XKR9: variants seen among roughly 807,000 people sequenced by gnomAD.
The protein encoded by XKR9 is XK related 9.
A neutral mutation model predicts 32.0 loss-of-function variants in XKR9; 32 were observed. The observed-to-expected ratio is 1.00, with a 90% CI of 0.76 to 1.34. The LOEUF (loss-of-function observed/expected upper bound fraction) is 1.34, where lower values mean the gene tolerates loss of function less well. Among genes scored for constraint, XKR9 ranks in the 40% most tolerant of loss-of-function variants. The pLI, the probability that XKR9 is intolerant of heterozygous loss-of-function variation, is 0.00. For missense variants in XKR9, 546 were observed against 429.7 expected (o/e 1.27, Z -2.39); for synonymous variants, 168 against 143.4 (o/e 1.17, Z -1.22).
the XKR9 span, among the ~76,000 whole-genome samples, chr8:70,967,548 A>C: frequency 2.0e-5 from 3 of 152,078 alleles, no homozygotes; most frequent in Non-Finnish European, 2.9e-5. Flanking sequence ...TGTGCACTTC[A>C]GTGTGCTTTT....
At chr8:70,936,377 T>C in the XKR9 span, among the ~76,000 whole-genome samples, 1 of 152,078 alleles carries the variant, frequency 6.6e-6, no homozygotes, top group Admixed American at 6.6e-5. Context: ...TTCCTTACAC[T>C]GGAAGAGCCC....
At chr8:70,788,573 CT>C (rs1264964863) in intron 2 of XKR9, among the ~76,000 whole-genome samples, 1 of 152,066 alleles carries the variant, frequency 6.6e-6, no homozygotes, top group African/African-American at 2.4e-5. Context: ...ATTATTTACA[CT>C]TATGTAACAT....
intron 3 of XKR9, among the ~76,000 whole-genome samples, chr8:70,700,076 C>T (rs1330574396): frequency 7.9e-5 from 12 of 152,176 alleles, no homozygotes; most frequent in African/African-American, 2.9e-4. Context: ...TCTAGTTATA[C>T]ATTTGTCTAA....
the XKR9 span, among the ~76,000 whole-genome samples, chr8:71,008,337 C>G: frequency 6.6e-6 from 1 of 152,096 alleles, no homozygotes; most frequent in Non-Finnish European, 1.5e-5. Context: ...ATCAAATTCC[C>G]CTTGCTCCAC....
chr8:70,886,452 G>A, the XKR9 span, among the ~76,000 whole-genome samples: 1 of 152,174 alleles, frequency 6.6e-6, no homozygotes, highest in African/African-American at 2.4e-5. Context: ...CTATATCCTT[G>A]AGGAATCACC....
the XKR9 span, among the ~76,000 whole-genome samples, chr8:70,925,421 G>A: frequency 6.6e-6 from 1 of 152,122 alleles, no homozygotes; most frequent in Non-Finnish European, 1.5e-5. Flanking sequence ...TATACATGTG[G>A]CAATCAGAAT....
chr8:71,057,990 G>A, the XKR9 span, among the ~76,000 whole-genome samples: 2 of 152,172 alleles, frequency 1.3e-5, no homozygotes, highest in South Asian at 4.1e-4. Context: ...GACCATCCTG[G>A]CTAACACAGT....
the XKR9 span, among the ~76,000 whole-genome samples, chr8:71,037,262 C>T: frequency 4.6e-5 from 7 of 152,046 alleles, no homozygotes; most frequent in African/African-American, 1.7e-4. Context: ...ATAATATCCA[C>T]AATTGAAAAT....
At chr8:70,681,939 A>T (rs1328463292) in intron 3 of XKR9, among the ~76,000 whole-genome samples, 1 of 152,110 alleles carries the variant, frequency 6.6e-6, no homozygotes, top group Non-Finnish European at 1.5e-5. Context: ...GCAATTCATG[A>T]TCCTTAGTTG....
chr8:70,758,210 G>T (rs1044608393), intron 2 of XKR9, among the ~76,000 whole-genome samples: 1 of 151,990 alleles, frequency 6.6e-6, no homozygotes. Flanking sequence ...CTCTGATGTC[G>T]TTCCTTAGGG....
At chr8:71,004,838 AT>A in the XKR9 span, among the ~76,000 whole-genome samples, 1 of 151,702 alleles carries the variant, frequency 6.6e-6, no homozygotes, top group Non-Finnish European at 1.5e-5. Flanking sequence ...CAATACCTTG[AT>A]TTTTTTCTTT....
At chr8:70,975,345 G>A in the XKR9 span, among the ~76,000 whole-genome samples, 1 of 152,116 alleles carries the variant, frequency 6.6e-6, no homozygotes, top group Non-Finnish European at 1.5e-5. Context: ...GTATTGCCTA[G>A]GTTTTCTTCT....
At chr8:70,985,678 C>CACCCT in the XKR9 span, among the ~76,000 whole-genome samples, 1 of 152,214 alleles carries the variant, frequency 6.6e-6, no homozygotes, top group African/African-American at 2.4e-5. Context: ...CTTCCTTTTT[C>CACCCT]ACCCTCCTAC....
At chr8:70,856,573 A>T in the XKR9 span, among the ~76,000 whole-genome samples, 1 of 152,174 alleles carries the variant, frequency 6.6e-6, no homozygotes, top group African/African-American at 2.4e-5. Context: ...ATGAGACAGA[A>T]AGTTAACAAA....
chr8:70,993,600 ATCTTCCT>A, the XKR9 span, among the ~76,000 whole-genome samples: 1 of 79,326 alleles, frequency 1.3e-5, no homozygotes, highest in South Asian at 3.1e-4. Context: ...TTCATAGGAC[ATCTTCCT>A]TCCTTCCTTC....
the XKR9 span, among the ~76,000 whole-genome samples, chr8:70,886,799 G>A: frequency 6.6e-6 from 1 of 151,838 alleles, no homozygotes; most frequent in African/African-American, 2.4e-5. Flanking sequence ...TTTGTCAGGT[G>A]GAGAGATTGC....
chr8:70,906,990 C>T, the XKR9 span, among the ~76,000 whole-genome samples: 8 of 152,228 alleles, frequency 5.3e-5, no homozygotes, highest in Admixed American at 5.2e-4. Flanking sequence ...TCCATTATTA[C>T]TCCCCAATTT....
chr8:70,723,931 G>A (rs1196240181), intron 4 of XKR9, among the ~76,000 whole-genome samples: 1 of 149,564 alleles, frequency 6.7e-6, no homozygotes, highest in Non-Finnish European at 1.5e-5. Context: ...TGTGGCCCAG[G>A]CGGGAGTGCA....
chr8:70,982,791 A>G, the XKR9 span, among the ~76,000 whole-genome samples: 2 of 152,216 alleles, frequency 1.3e-5, no homozygotes, highest in African/African-American at 2.4e-5. Flanking sequence ...TCTGTATATG[A>G]GCAGGAACTA....
Sources: allele counts gnomAD v4.1 joint callset (sites outside exome capture counted in the v4.1 genomes callset), GRCh38; gene constraint gnomAD v4.1.1; transcripts MANE v1.5; gene names NCBI Gene and HGNC (gene_info 2026-07-23, HGNC 2026-07-21).